The following WWOX variants were observed in gnomAD, a reference collection of about 807,000 sequenced individuals.
WWOX encodes the protein WW domain containing oxidoreductase.
A neutral mutation model predicts 46.2 loss-of-function variants in WWOX; 69 were observed. That is an observed-to-expected ratio of 1.49 (90% confidence interval 1.23 to 1.82). WWOX has a LOEUF of 1.82. Ranked by LOEUF, WWOX falls within the 40% of genes most tolerant of loss-of-function variation. The pLI is 0.00. For missense variants in WWOX, 919 were observed against 542.6 expected, an observed-to-expected ratio of 1.69 and a Z score of -6.89; for synonymous variants, 359 against 202.6, an observed-to-expected ratio of 1.77 and a Z score of -6.56.
chr16:78,900,675 A>G (rs975889384), intron 8 of WWOX, among the ~76,000 whole-genome samples: 49 of 152,284 alleles, frequency 3.2e-4, no homozygotes, highest in African/African-American at 1.1e-3. Context: ...TACTCATCAG[A>G]TCATATGTTT....
At chr16:78,206,213 T>C (rs574910188) in intron 5 of WWOX, among the ~76,000 whole-genome samples, 40 of 152,252 alleles carry the variant, frequency 2.6e-4, no homozygotes, top group African/African-American at 9.4e-4. Context: ...TGCTAAATTC[T>C]TTGAAGTTAT....
intron 8 of WWOX, among the ~76,000 whole-genome samples, chr16:78,720,594 C>T (rs998996198): frequency 6.6e-6 from 1 of 151,728 alleles, no homozygotes; most frequent in African/African-American, 2.4e-5. Flanking sequence ...GATTTCAGAC[C>T]ACCATATTTG....
At chr16:78,246,946 G>A (rs1267458428) in intron 5 of WWOX, among the ~76,000 whole-genome samples, 1 of 152,142 alleles carries the variant, frequency 6.6e-6, no homozygotes, top group African/African-American at 2.4e-5. Context: ...CCTGTTTCCA[G>A]TCAGACCATA....
At chr16:79,136,628 T>G (rs1169226720) in intron 8 of WWOX, among the ~76,000 whole-genome samples, 2 of 152,178 alleles carry the variant, frequency 1.3e-5, no homozygotes, top group African/African-American at 2.4e-5. Flanking sequence ...TGCCCTTCAC[T>G]GGTGGTCAGT....
chr16:78,388,625 G>C (rs369585417), intron 6 of WWOX, among the ~76,000 whole-genome samples: 5 of 113,500 alleles, frequency 4.4e-5, no homozygotes, highest in Non-Finnish European at 6.6e-5. Flanking sequence ...CCAGCCTGGC[G>C]ACAGATTGAG....
chr16:78,267,779 A>G (rs1180365440), intron 5 of WWOX, among the ~76,000 whole-genome samples: 1 of 152,020 alleles, frequency 6.6e-6, no homozygotes, highest in Non-Finnish European at 1.5e-5. Context: ...TGATTGATTG[A>G]TTGATTGTGA....
At chr16:78,580,063 T>C (rs562710324) in intron 8 of WWOX, among the ~76,000 whole-genome samples, 2 of 151,288 alleles carry the variant, frequency 1.3e-5, no homozygotes, top group Non-Finnish European at 2.9e-5. Context: ...GCTGTTTTCT[T>C]TGACAGAGGA....
chr16:78,134,501 T>C (rs564062605), intron 4 of WWOX, among the ~76,000 whole-genome samples: 247 of 152,336 alleles, frequency 1.6e-3, no homozygotes, highest in African/African-American at 5.7e-3. Context: ...TTTCATTACT[T>C]CTTTTATTCA....
At chr16:78,931,709 A>C (rs74032440) in intron 8 of WWOX, among the ~76,000 whole-genome samples, 1 of 152,208 alleles carries the variant, frequency 6.6e-6, no homozygotes, top group East Asian at 1.9e-4. Context: ...GTATTTTCCA[A>C]CTGTTCACAG....
intron 8 of WWOX, among the ~76,000 whole-genome samples, chr16:79,020,064 C>A (rs1163410225): frequency 1.3e-5 from 2 of 152,326 alleles, no homozygotes; most frequent in South Asian, 2.1e-4. Flanking sequence ...TTTCTTATGT[C>A]ATCTGCATGG....
At chr16:78,860,642 C>CAT (rs2052694757) in intron 8 of WWOX, among the ~76,000 whole-genome samples, 1 of 152,322 alleles carries the variant, frequency 6.6e-6, no homozygotes, top group South Asian at 2.1e-4. Context: ...ATAAATACTT[C>CAT]ATATAAGTTC....
At chr16:78,830,310 T>TTATA (rs3085447) in intron 8 of WWOX, among the ~76,000 whole-genome samples, 15 of 151,700 alleles carry the variant, frequency 9.9e-5, no homozygotes, top group Admixed American at 5.9e-4. Flanking sequence ...ATAAGCATAT[T>TTATA]TATATATATA....
intron 8 of WWOX, among the ~76,000 whole-genome samples, chr16:78,784,970 G>T (rs952811867): frequency 1.3e-5 from 2 of 152,122 alleles, no homozygotes; most frequent in Non-Finnish European, 2.9e-5. Flanking sequence ...AGAAGGTCCC[G>T]TGGGCAGGAG....
intron 8 of WWOX, among the ~76,000 whole-genome samples, chr16:79,134,079 G>T (rs892720769): frequency 2.6e-5 from 4 of 152,082 alleles, no homozygotes; most frequent in African/African-American, 7.2e-5. Flanking sequence ...TCACTATGAA[G>T]AATGGGCCTG....
At chr16:78,828,072 C>G (rs879393749) in intron 8 of WWOX, among the ~76,000 whole-genome samples, 2 of 152,146 alleles carry the variant, frequency 1.3e-5, no homozygotes, top group Admixed American at 6.5e-5. Context: ...CCTGGTGTGT[C>G]TATTAGCTCC....
At chr16:78,576,693 A>C (rs953606506) in intron 8 of WWOX, among the ~76,000 whole-genome samples, 22 of 152,158 alleles carry the variant, frequency 1.4e-4, no homozygotes, top group African/African-American at 5.1e-4. Flanking sequence ...TTAGCTGGGC[A>C]TGATGGCTCA....
chr16:78,122,673 C>G (rs186908097), intron 4 of WWOX, among the ~76,000 whole-genome samples: 2 of 151,040 alleles, frequency 1.3e-5, no homozygotes, highest in Non-Finnish European at 2.9e-5. Context: ...GGCGTGATCT[C>G]AGCTCACTGC....
intron 8 of WWOX, among the ~76,000 whole-genome samples, chr16:78,949,241 A>T (rs1018052792): frequency 2.0e-5 from 3 of 152,168 alleles, no homozygotes; most frequent in Non-Finnish European, 4.4e-5. Context: ...CTGAAACAGG[A>T]AACCCACCTG....
At chr16:78,680,240 C>T (rs2047697819) in intron 8 of WWOX, among the ~76,000 whole-genome samples, 1 of 151,996 alleles carries the variant, frequency 6.6e-6, no homozygotes, top group Non-Finnish European at 1.5e-5. Flanking sequence ...CGAGACCCGT[C>T]TCTGCAGAAA....
Sources: gnomAD v4.1 joint callset for allele counts (sites outside exome capture counted in the v4.1 genomes callset) on GRCh38, gnomAD v4.1.1 for gene constraint, MANE v1.5 for transcripts, NCBI Gene and HGNC (gene_info 2026-07-23, HGNC 2026-07-21) for gene names.